The following KCNJ6 variants were observed in gnomAD, a reference collection of about 807,000 sequenced individuals.
KCNJ6 encodes the protein potassium inwardly rectifying channel subfamily J member 6, also known as G protein-activated inward rectifier potassium channel 2.
In KCNJ6, 9 loss-of-function variants were observed where a neutral mutation model predicts 34.2. That is an observed-to-expected ratio of 0.26 (90% CI 0.16 to 0.46). The LOEUF is 0.46. Among genes scored for constraint, KCNJ6 ranks in the 20% least tolerant of loss-of-function variants. The pLI, the probability that KCNJ6 is intolerant of heterozygous loss-of-function variation, is 1.00. For missense variants in KCNJ6, 236 were observed against 531.3 expected (o/e 0.44, Z 5.46); for synonymous variants, 196 against 207.1 (o/e 0.95, Z 0.46).
In KCNJ6 at chr21:37,625,276, T is replaced by C; in HGVS notation, c.1155A>G (p.Val385=). 1.2e-6 allele frequency: 2 copies of C among 1,614,204 alleles called. No individual in the cohort carries two copies. The highest frequency in any genetic ancestry group is 1.7e-6 in the Non-Finnish European group (2 of 1,180,010). ...SRAELPLSWS[V]SSKLNQHAEL... Reference sequence around the variant, plus strand: ...CTGCATGTTGGTTGAGTTTGCTGGATACAGACCAACTCAGGGGCAGCTCTG... The same window carrying C: ...CTGCATGTTGGTTGAGTTTGCTGGACACAGACCAACTCAGGGGCAGCTCTG... Residue 385 remains valine, a synonymous_variant, in exon 4 of 4, where the codon GTA becomes GTG. Coordinates refer to ENST00000609713, the MANE Select transcript of KCNJ6 (RefSeq NM_002240.5).
chr21:37,715,622 T>C (rs771000351), intron 2 of KCNJ6, among the ~76,000 whole-genome samples: 48 of 152,082 alleles, frequency 3.2e-4, no homozygotes, highest in Non-Finnish European at 6.6e-4. Context: ...ACCCCTAAGG[T>C]GACAGTATTG....
Position 37,609,822 on chromosome 21 carries a change from A to C in KCNJ6, c.*15337T>G, listed in dbSNP as rs2123346486. On this transcript the variant is annotated 3_prime_UTR_variant, in exon 4 of 4. Transcript: ENST00000609713. Reference sequence around the variant, plus strand: ...AAGCAAATTGTCAGTAGCCTGCTGGAGCTGAAGGAATTGCTCATGGATGAG... The same window carrying C: ...AAGCAAATTGTCAGTAGCCTGCTGGCGCTGAAGGAATTGCTCATGGATGAG... 6.6e-6 allele frequency: 1 copy of C among 152,288 alleles called. No individual in the cohort carries two copies. The highest frequency in any genetic ancestry group is 1.9e-4 in the East Asian group (1 of 5,182). 9.4% of individuals were successfully genotyped at this position (152,288 alleles called of 1,614,324 possible).
At chr21:37,862,382 C>T (rs189605419) in intron 1 of KCNJ6, among the ~76,000 whole-genome samples, 144 of 152,352 alleles carry the variant, frequency 9.5e-4, no homozygotes, top group Admixed American at 2.2e-3. Flanking sequence ...CCTTTATACA[C>T]ACAGGCATGC....
chr21:37,911,767 A>C (rs541793337), intron 1 of KCNJ6, among the ~76,000 whole-genome samples: 1 of 152,290 alleles, frequency 6.6e-6, no homozygotes, highest in Admixed American at 6.5e-5. Flanking sequence ...CCTTTCCATA[A>C]AGAGCATTTA....
At chr21:37,840,380 C>T (rs1601496012) in intron 2 of KCNJ6, among the ~76,000 whole-genome samples, 1 of 152,266 alleles carries the variant, frequency 6.6e-6, no homozygotes, top group Non-Finnish European at 1.5e-5. Context: ...ATTGTGAGTC[C>T]CAATCCCCAA....
intron 2 of KCNJ6, 96 bp downstream of exon 2, chr21:37,840,562 G>T: frequency 1.2e-6 from 1 of 812,384 alleles, no homozygotes; most frequent in Non-Finnish European, 2.1e-6. Context: ...CAAAAGAGAA[G>T]GACAAATCAG....
At chr21:37,837,346 A>C (rs544366331) in intron 2 of KCNJ6, among the ~76,000 whole-genome samples, 1 of 152,336 alleles carries the variant, frequency 6.6e-6, no homozygotes, top group African/African-American at 2.4e-5. Flanking sequence ...CAAACATTTA[A>C]AATTTGCTAA....
intron 2 of KCNJ6, among the ~76,000 whole-genome samples, chr21:37,834,708 A>G (rs192527399): frequency 9.2e-5 from 14 of 152,354 alleles, no homozygotes; most frequent in African/African-American, 3.4e-4. Context: ...ATTTCATCTG[A>G]CACAACAGCA....
chr21:37,789,330 C>T (rs1023535872), intron 2 of KCNJ6, among the ~76,000 whole-genome samples: 1 of 152,116 alleles, frequency 6.6e-6, no homozygotes, highest in East Asian at 1.9e-4. Context: ...TGAAGTCATA[C>T]GGGTGGGGTC....
chr21:37,832,999 C>A (rs1178397547), intron 2 of KCNJ6, among the ~76,000 whole-genome samples: 1 of 141,256 alleles, frequency 7.1e-6, no homozygotes, highest in African/African-American at 2.7e-5. Context: ...CCCAGTCTGG[C>A]TTCTCGGCAT....
chr21:37,674,910 T>G (rs1409155587), intron 3 of KCNJ6, among the ~76,000 whole-genome samples: 1 of 152,146 alleles, frequency 6.6e-6, no homozygotes, highest in East Asian at 1.9e-4. Flanking sequence ...GAATAATGAA[T>G]GAATGATTGA....
At chr21:37,738,959 G>T (rs858021) in intron 2 of KCNJ6, among the ~76,000 whole-genome samples, 148,687 of 152,320 alleles carry the variant, frequency 0.98, 72,606 homozygotes, top group East Asian at 1. Flanking sequence ...GAGTAACTTC[G>T]GCAGAGAGAA....
At chr21:37,735,113 G>A (rs1012148835) in intron 2 of KCNJ6, among the ~76,000 whole-genome samples, 4 of 152,122 alleles carry the variant, frequency 2.6e-5, no homozygotes, top group East Asian at 1.9e-4. Flanking sequence ...ACCGACTCCC[G>A]CTCCCTTCCC....
intron 1 of KCNJ6, among the ~76,000 whole-genome samples, chr21:37,903,384 G>A (rs1601524348): frequency 6.6e-6 from 1 of 152,260 alleles, no homozygotes; most frequent in Admixed American, 6.5e-5. Context: ...CACCATGATT[G>A]TGAGGCCTCC....
chr21:37,714,131 C>A lies in KCNJ6; in HGVS notation c.946+80G>T. The stretch of plus-strand genomic sequence containing the variant: ...TTGAGTGAGGTTCAGTATTCTAGAT[C>A]TTGTAATAGATAAGAACATCAGGTC... On this transcript the variant is annotated intron_variant, in intron 3 of 3. Transcript: ENST00000609713. This position sits in a 1 kb window ranked among gnomAD's most constrained non-coding sequence, Gnocchi z 5.9. The A allele has an allele frequency of 1.0e-6, 1 of 1,003,168 alleles. No homozygotes were observed. Among genetic ancestry groups the A allele is most frequent in the Non-Finnish European group, 1.5e-6 (1 of 658,278 alleles). 62.1% of individuals were successfully genotyped at this position (1,003,168 alleles called of 1,614,324 possible). A position where few individuals can be genotyped will look rare whatever the true frequency, so the allele number is the denominator to read the frequency against.
chr21:37,725,063 T>C (rs544396767), intron 2 of KCNJ6, among the ~76,000 whole-genome samples: 3 of 151,950 alleles, frequency 2.0e-5, no homozygotes, highest in African/African-American at 7.3e-5. Context: ...AGGAAAAATA[T>C]TTACAACACG....
chr21:37,786,926 T>C (rs924499487), intron 2 of KCNJ6, among the ~76,000 whole-genome samples: 3 of 152,188 alleles, frequency 2.0e-5, no homozygotes, highest in African/African-American at 7.2e-5. Context: ...TCTGTGTCTA[T>C]ATTCTATTTT....
intron 1 of KCNJ6, among the ~76,000 whole-genome samples, chr21:37,907,105 G>A (rs2055845481): frequency 6.6e-6 from 1 of 152,212 alleles, no homozygotes; most frequent in African/African-American, 2.4e-5. Context: ...CTCTGAAAAT[G>A]TTGTAAGGTG....
chr21:37,847,445 G>C (rs2055514956), intron 1 of KCNJ6, among the ~76,000 whole-genome samples: 1 of 152,132 alleles, frequency 6.6e-6, no homozygotes, highest in South Asian at 2.1e-4. Flanking sequence ...GAACTGGTGA[G>C]AAGTCCTAGA....
Sources: gnomAD v4.1 joint callset for allele counts (sites outside exome capture counted in the v4.1 genomes callset) on GRCh38, gnomAD v4.1.1 for gene constraint, Gnocchi (gnomAD v3.1) non-coding constraint, MANE v1.5 for transcripts, NCBI Gene and HGNC (gene_info 2026-07-23, HGNC 2026-07-21) for gene names.